The following MIB1 variants were observed in gnomAD, a reference collection of about 807,000 sequenced individuals.
MIB1 encodes MIB E3 ubiquitin protein ligase 1.
MIB1 carries 278 observed loss-of-function variants against 124.5 expected under a neutral mutation model. The observed-to-expected ratio is 2.23, with a 90% CI of 2.02 to 2.47. MIB1 has a LOEUF of 2.47. Among genes scored for constraint, MIB1 ranks in the 30% most tolerant of loss-of-function variants. The pLI is 0.00. For synonymous variants in MIB1, 446 were observed against 429.4 expected (o/e 1.04, Z -0.48); for missense variants, 957 against 1,254.4 (o/e 0.76, Z 3.58).
intron 1 of MIB1, among the ~76,000 whole-genome samples, chr18:21,731,108 C>T (rs557829755): frequency 1.4e-4 from 21 of 152,276 alleles, no homozygotes; most frequent in South Asian, 6.2e-4. Context: ...ACTTAGGTGA[C>T]GCTCTCTGGG....
chr18:21,724,739 T>A (rs1280768887), intron 1 of MIB1, among the ~76,000 whole-genome samples: 1,330 of 67,906 alleles, frequency 0.02, 44 homozygotes, highest in Middle Eastern at 0.054. Flanking sequence ...TATATATATA[T>A]ATATATATAT....
In MIB1 at chr18:21,847,002, G is replaced by T; in HGVS notation, c.2270G>T (p.Cys757Phe). Reference protein sequence around the residue: ...AEKKSAASIACFLAANGADLS... With the variant: ...AEKKSAASIAFFLAANGADLS... ...AAGAAGAGTGCAGCATCTATTGCCTGTTTCTTGGCAGCCAATGGTGCTGAC... is the reference window on the plus strand; with the variant it reads ...AAGAAGAGTGCAGCATCTATTGCCTTTTTCTTGGCAGCCAATGGTGCTGAC... The change falls in exon 16 of 21, where the codon TGT becomes TTT. Residue 757 changes from cysteine (C) to phenylalanine (F), a missense_variant. Coordinates refer to ENST00000261537, the MANE Select transcript of MIB1 (RefSeq NM_020774.4). The T allele has an allele frequency of 6.2e-7, 1 of 1,614,182 alleles. No homozygotes were observed. Among genetic ancestry groups the T allele is most frequent in the South Asian group, 1.1e-5 (1 of 91,086 alleles).
Position 21,864,605 on chromosome 18 carries a change from A to T in MIB1, c.2960A>T (p.Asp987Val). 6.2e-7 allele frequency: 1 copy of T among 1,613,586 alleles called. No individual in the cohort carries two copies. The highest frequency in any genetic ancestry group is 8.5e-7 in the Non-Finnish European group (1 of 1,179,534). ...CACGGAACCTGTCAACTCTGTGGAG[A>T]CCGCATGAGTGAATGTCCTATCTGT... ...CGHGTCQLCG[D>V]RMSECPICRK... The change falls in exon 21 of 21, where the codon GAC (aspartate) becomes GTC (valine). Residue 987 changes from aspartate to valine, a missense_variant. Asp to Val is a radical substitution (Grantham distance 152). Coordinates refer to ENST00000261537, the MANE Select transcript of MIB1 (RefSeq NM_020774.4).
intron 13 of MIB1, among the ~76,000 whole-genome samples, chr18:21,840,040 C>T (rs1033228488): frequency 5.9e-5 from 9 of 152,168 alleles, no homozygotes; most frequent in African/African-American, 1.9e-4. Flanking sequence ...GGCAACAGAG[C>T]GAGACCCAGT....
chr18:21,762,555 A>G (rs1170770276), intron 1 of MIB1, among the ~76,000 whole-genome samples: 1 of 152,220 alleles, frequency 6.6e-6, no homozygotes, highest in Non-Finnish European at 1.5e-5. Flanking sequence ...TGATGGGATT[A>G]GCCTTTGTGG....
intron 1 of MIB1, among the ~76,000 whole-genome samples, chr18:21,713,486 G>T (rs369781305): frequency 6.6e-6 from 1 of 151,540 alleles, no homozygotes; most frequent in South Asian, 2.1e-4. Context: ...GGTGGCACGC[G>T]CCTGTAATCC....
At chr18:21,739,535 C>T (rs375527645), upstream of MIB1, among the ~76,000 whole-genome samples, 10 of 152,120 alleles carry the variant, frequency 6.6e-5, no homozygotes, top group East Asian at 5.8e-4. Flanking sequence ...AACATCGATG[C>T]GAAAATCTTC....
At chr18:21,751,095 GTGAGGC>G (rs895817558) in intron 1 of MIB1, among the ~76,000 whole-genome samples, 3 of 151,994 alleles carry the variant, frequency 2.0e-5, no homozygotes, top group Non-Finnish European at 2.9e-5. Flanking sequence ...CTATTTGTTG[GTGAGGC>G]TGAGGCAGGA....
At chr18:21,852,766 C>A (rs190672889) in intron 17 of MIB1, among the ~76,000 whole-genome samples, 280 of 152,260 alleles carry the variant, frequency 1.8e-3, no homozygotes, top group African/African-American at 6.6e-3. Context: ...ATCTGTCTTT[C>A]AGTCATTTCT....
At chr18:21,763,927 A>AT (rs1176658196) in intron 1 of MIB1, among the ~76,000 whole-genome samples, 3 of 150,788 alleles carry the variant, frequency 2.0e-5, no homozygotes, top group East Asian at 1.9e-4. Context: ...GTGATTTTTT[A>AT]TTTTTTTTAT....
At position 21,710,827 on chromosome 18, in the gene MIB1, A is replaced by ATT. The variant is rs34702356; in HGVS notation, n.167+5725_167+5726dup. The stretch of plus-strand genomic sequence containing the variant: ...TATGCTAGTTTAACATAATTGACTG[A>ATT]TTTTTTTTTTTTTTTTTTTTTTGAG... On this transcript the variant is annotated intron_variant and non_coding_transcript_variant, in intron 1 of 20. Transcript: ENST00000578646. 3.3e-3 allele frequency among the ~76,000 whole-genome samples: 382 copies of ATT among 116,994 alleles called. 4 individuals carry two copies. Among genetic ancestry groups the ATT allele is most frequent in the African/African-American group, 4.3e-3 (122 of 28,522 alleles). 76.8% of individuals were successfully genotyped at this position (116,994 alleles called of 152,430 possible).
intron 1 of MIB1, among the ~76,000 whole-genome samples, chr18:21,750,778 A>G (rs1320544635): frequency 2.0e-5 from 3 of 151,914 alleles, no homozygotes; most frequent in African/African-American, 7.3e-5. Flanking sequence ...CCTGCCCCAC[A>G]CCTCTTACCT....
intron 1 of MIB1, among the ~76,000 whole-genome samples, chr18:21,723,070 C>G (rs1324051901): frequency 6.6e-6 from 1 of 152,084 alleles, no homozygotes; most frequent in East Asian, 1.9e-4. Context: ...TCTCTTCTCC[C>G]CATTTATTTA....
At chr18:21,760,413 G>A (rs1430503169) in intron 1 of MIB1, among the ~76,000 whole-genome samples, 3 of 152,110 alleles carry the variant, frequency 2.0e-5, no homozygotes, top group African/African-American at 7.2e-5. Context: ...TAAAAATTCT[G>A]TAGTGCTCAT....
intron 12 of MIB1, among the ~76,000 whole-genome samples, chr18:21,822,852 C>T (rs1011624489): frequency 1.3e-5 from 2 of 152,078 alleles, no homozygotes; most frequent in Non-Finnish European, 1.5e-5. Flanking sequence ...GTAATCCCAG[C>T]GACTTAGGAG....
chr18:21,795,777 C>T (rs2041571931), intron 7 of MIB1, among the ~76,000 whole-genome samples: 1 of 152,010 alleles, frequency 6.6e-6, no homozygotes, highest in South Asian at 2.1e-4. Flanking sequence ...AGAATAGACC[C>T]TAAAGAACTG....
Position 21,844,282 on chromosome 18 carries a change from C to T in MIB1, c.2211+29C>T, listed in dbSNP as rs531344922. ...AGTAAAGATCATCTTTCATTCAGTACCAGTGGAAGAATCTTTTCATGCAAG... is the reference window on the plus strand; with the variant it reads ...AGTAAAGATCATCTTTCATTCAGTATCAGTGGAAGAATCTTTTCATGCAAG... On this transcript the variant is annotated intron_variant, in intron 15 of 20. Coordinates refer to ENST00000261537, the MANE Select transcript of MIB1 (RefSeq NM_020774.4). The T allele has an allele frequency of 6.9e-6, 11 of 1,605,730 alleles. No individual in the cohort carries two copies. In the East Asian group the frequency reaches 2.0e-4, roughly 29 times the overall value.
In MIB1 at chr18:21,750,515, G is replaced by A. The variant is rs368543236; in HGVS notation, c.229+8703G>A. ...GCTAACTTTTCATATTTTTAGTAGA[G>A]ACGGGGTTTCACCGTGTTAGCCATG... is the stretch of plus-strand genomic sequence containing the variant. On this transcript the variant is annotated intron_variant, in intron 1 of 20. Coordinates refer to ENST00000261537, the MANE Select transcript of MIB1 (RefSeq NM_020774.4). Among the ~76,000 whole-genome samples, 65 of 152,310 alleles carry A rather than the reference G, an allele frequency of 4.3e-4. 1 individual carries two copies. Among genetic ancestry groups the A allele is most frequent in the African/African-American group, 1.5e-3 (63 of 41,584 alleles).
Position 21,741,921 on chromosome 18 carries a change from G to C in MIB1, c.229+109G>C, listed in dbSNP as rs1203239945. The C allele has an allele frequency of 1.0e-6, 1 of 976,724 alleles. No homozygotes were observed. Among genetic ancestry groups the C allele is most frequent in the African/African-American group, 1.7e-5 (1 of 59,812 alleles). 60.5% of individuals were successfully genotyped at this position (976,724 alleles called of 1,614,324 possible). On this transcript the variant is annotated intron_variant, in intron 1 of 20. Coordinates refer to ENST00000261537, the MANE Select transcript of MIB1 (RefSeq NM_020774.4). This position sits in a 1 kb window ranked among gnomAD's most constrained non-coding sequence, Gnocchi z 5.4. ...TCTGCAGTGGGACACCTGGTGGGCA[G>C]CGCCCGGCTGGAGCGAGCGGAAAGG...
Sources: allele counts gnomAD v4.1 joint callset (sites outside exome capture counted in the v4.1 genomes callset), GRCh38; gene constraint gnomAD v4.1.1; non-coding constraint Gnocchi (gnomAD v3.1); transcripts MANE v1.5; gene names NCBI Gene and HGNC (gene_info 2026-07-23, HGNC 2026-07-21).